KLF17: variants seen among roughly 807,000 people sequenced by gnomAD.
The protein encoded by KLF17 is Krueppel-like factor 17.
In KLF17, 31 loss-of-function variants were observed where a neutral mutation model predicts 34.2. The ratio of observed to expected loss-of-function variants is 0.91; its 90% CI spans 0.68 to 1.22. The LOEUF is 1.22. Among genes scored for constraint, KLF17 ranks in the 50% most tolerant of loss-of-function variants. The probability of loss-of-function intolerance (pLI) is 0.00; values close to 1 mark genes in which losing one functional copy is unlikely to be tolerated. For missense variants in KLF17, 478 were observed against 505.2 expected, an observed-to-expected ratio of 0.95 and a Z score of 0.52; for synonymous variants, 179 against 186.7, an observed-to-expected ratio of 0.96 and a Z score of 0.34.
chr1:44,119,005 C>A lies in KLF17; in HGVS notation c.81+17C>A, dbSNP rs1187734771. 6.3e-7 allele frequency: 1 copy of A among 1,592,900 alleles called. No homozygotes were observed. The highest frequency in any genetic ancestry group is 8.5e-7 in the Non-Finnish European group (1 of 1,169,638). On this transcript the variant is annotated intron_variant, in intron 1 of 3. Transcript: ENST00000372299. ...GCTGCCCAGGTGAGTCAGGTGCCAG[C>A]CCCTGGCAGGCCGGGCGGGCCCAGG...
the KLF17 span, chr1:44,047,835 AC>A: frequency 6.6e-6 from 1 of 152,196 alleles, no homozygotes; most frequent in East Asian, 1.9e-4. Flanking sequence ...ATACTGCAAC[AC>A]ATTGGCATTA....
Position 44,118,870 on chromosome 1 carries a change from G to T in KLF17, c.-38G>T, listed in dbSNP as rs747606521. The T allele has an allele frequency of 1.3e-6, 2 of 1,530,222 alleles. No individual in the cohort carries two copies. Among genetic ancestry groups the T allele is most frequent in the Non-Finnish European group, 1.8e-6 (2 of 1,131,314 alleles). The allele number at this position is 1,530,222 out of a possible 1,614,324, so 94.8% of individuals were successfully genotyped here. On this transcript the variant is annotated 5_prime_UTR_variant, in exon 1 of 4. Transcript: ENST00000372299. ...GCGACGCCGTGGTGGCTGGTTCCCT[G>T]TCTCTTCAGTAGAGAGTCTAGACCC...
intron 1 of KLF17, among the ~76,000 whole-genome samples, chr1:44,127,628 T>C (rs1358838008): frequency 1.9e-5 from 1 of 53,842 alleles, no homozygotes; most frequent in African/African-American, 6.3e-5. Context: ...TCTTTTCTTT[T>C]CTTTTCTTTC....
the KLF17 span, among the ~76,000 whole-genome samples, chr1:44,050,431 C>T: frequency 6.6e-6 from 1 of 152,222 alleles, no homozygotes; most frequent in Non-Finnish European, 1.5e-5. Context: ...AGTGACCCAA[C>T]AACTGGGAAG....
chr1:44,094,781 C>T, the KLF17 span, among the ~76,000 whole-genome samples: 1 of 152,116 alleles, frequency 6.6e-6, no homozygotes, highest in Non-Finnish European at 1.5e-5. Context: ...TAATGTGATG[C>T]TTCCAGCTTT....
At chr1:44,112,407 C>A in the KLF17 span, among the ~76,000 whole-genome samples, 2 of 48,476 alleles carry the variant, frequency 4.1e-5, no homozygotes, top group Non-Finnish European at 1.1e-4. Flanking sequence ...TTTTTATTTT[C>A]TTTTTTTATT....
At chr1:44,119,039 C>T in intron 1 of KLF17, 51 bp downstream of exon 1, 1 of 1,399,712 alleles carries the variant, frequency 7.1e-7, no homozygotes, top group East Asian at 2.7e-5. Context: ...GGCTAGGGGG[C>T]GGCGGGGAGG....
the KLF17 span, among the ~76,000 whole-genome samples, chr1:44,085,726 C>T: frequency 1.3e-5 from 2 of 150,170 alleles, no homozygotes; most frequent in South Asian, 4.3e-4. Flanking sequence ...ATTGCTTGAG[C>T]CCACGAGTTC....
rs1367047134 is a variant in KLF17 at position 44,132,684 on chromosome 1, T to G, written c.*1-554T>G. ...GAGGACTAGGAGGGAGAGGAGGACC[T>G]AAGCCTGGGGCAGATAAAGATGAAT... On this transcript the variant is annotated intron_variant, in intron 3 of 3. Coordinates refer to ENST00000372299, the MANE Select transcript of KLF17 (RefSeq NM_173484.4). 1.3e-5 allele frequency among the ~76,000 whole-genome samples: 2 copies of G among 151,948 alleles called. 1 individual carries two copies. Among genetic ancestry groups the G allele is most frequent in the Non-Finnish European group, 2.9e-5 (2 of 67,994 alleles).
the KLF17 span, among the ~76,000 whole-genome samples, chr1:44,090,094 G>A: frequency 6.7e-6 from 1 of 148,434 alleles, no homozygotes; most frequent in Admixed American, 6.8e-5. Context: ...CTCTGACCAT[G>A]CCACTGCCTG....
the KLF17 span, among the ~76,000 whole-genome samples, chr1:44,089,884 GGGTGC>G: frequency 1.3e-5 from 2 of 152,084 alleles, no homozygotes; most frequent in African/African-American, 4.8e-5. Context: ...AGTATGGGAT[GGGTGC>G]GGTGACTCAT....
At chr1:44,112,394 T>C in the KLF17 span, among the ~76,000 whole-genome samples, 1 of 150,720 alleles carries the variant, frequency 6.6e-6, no homozygotes, top group Non-Finnish European at 1.5e-5. Context: ...TTTTTCTTTC[T>C]TTTTTTTATT....
At chr1:44,103,995 A>G in the KLF17 span, 23 of 855,884 alleles carry the variant, frequency 2.7e-5, no homozygotes, top group Admixed American at 1.0e-4. Flanking sequence ...GACCTCAGCG[A>G]TGATGCTGTC....
the KLF17 span, among the ~76,000 whole-genome samples, chr1:44,099,899 AAGAAAGAAAGAAAGAAAGAAAAGAAAGGG>A: frequency 1.5e-5 from 1 of 67,746 alleles, no homozygotes; most frequent in East Asian, 4.4e-4. Flanking sequence ...GAAAGAAAGA[AAGAAAGAAAGAAAGAAAGAAAAGAAAGGG>A]AGGGAGGGAG....
upstream of KLF17, chr1:44,114,473 T>G (rs1213037179): frequency 6.6e-6 from 1 of 152,278 alleles, no homozygotes; most frequent in African/African-American, 2.4e-5. Flanking sequence ...AGCAAAGGCT[T>G]CCTGGAGGTG....
upstream of KLF17, chr1:44,114,255 G>T (rs2087860704): frequency 6.6e-6 from 1 of 152,172 alleles, no homozygotes; most frequent in South Asian, 2.1e-4. Flanking sequence ...AATGAAGCGA[G>T]AATCAGGAAG....
At chr1:44,094,029 T>C in the KLF17 span, among the ~76,000 whole-genome samples, 1 of 152,236 alleles carries the variant, frequency 6.6e-6, no homozygotes, top group Non-Finnish European at 1.5e-5. Context: ...TGGATTTTTT[T>C]TGATCAAACA....
At chr1:44,126,527 A>G (rs2088009986) in intron 1 of KLF17, among the ~76,000 whole-genome samples, 1 of 152,148 alleles carries the variant, frequency 6.6e-6, no homozygotes, top group Admixed American at 6.5e-5. Context: ...ATAACAGACA[A>G]ATGCTGCCAG....
chr1:44,061,707 A>G, the KLF17 span, among the ~76,000 whole-genome samples: 1 of 152,136 alleles, frequency 6.6e-6, no homozygotes, highest in Admixed American at 6.6e-5. Context: ...CACTTGAGGT[A>G]AGGAGTTCGA....
Sources: gnomAD v4.1 joint callset for allele counts (sites outside exome capture counted in the v4.1 genomes callset) on GRCh38, gnomAD v4.1.1 for gene constraint, MANE v1.5 for transcripts, NCBI Gene and HGNC (gene_info 2026-07-23, HGNC 2026-07-21) for gene names.